NEB: variants seen among roughly 807,000 people sequenced by gnomAD.
NEB encodes nemaline myopathy type 2.
A neutral mutation model predicts 952.2 loss-of-function variants in NEB; 512 were observed. That is an observed-to-expected ratio of 0.54 (90% confidence interval 0.50 to 0.58). The LOEUF (loss-of-function observed/expected upper bound fraction) is 0.58, where lower values mean the gene tolerates loss of function less well. Ranked by LOEUF, NEB falls within the 20% of genes least tolerant of loss-of-function variation. The pLI is 0.00. For synonymous variants in NEB, 2,900 were observed against 3,149.8 expected (o/e 0.92, Z 2.66); for missense variants, 8,428 against 9,231.1 (o/e 0.91, Z 3.56).
chr2:151,724,911 A>C lies in NEB; in HGVS notation c.453T>G (p.Asp151Glu), dbSNP rs759482454. The change falls in exon 7 of 182, where the codon GAT becomes GAG. Residue 151 changes from aspartate (D) to glutamate (E), a missense_variant. By Grantham distance (45) the Asp-to-Glu change is conservative. Transcript: ENST00000397345. Reference sequence around the variant, plus strand: ...CATGTTCAATATCCTTTGCTTTTTCATCTACGTGACATATAGTCTTAGCAA... The same window carrying C: ...CATGTTCAATATCCTTTGCTTTTTCCTCTACGTGACATATAGTCTTAGCAA... ...GDVAKTICHV[D>E]EKAKDIEHAK... 6.2e-7 allele frequency: 1 copy of C among 1,613,720 alleles called. No homozygotes were observed. Among genetic ancestry groups the C allele is most frequent in the African/African-American group, 1.3e-5 (1 of 74,912 alleles).
chr2:151,732,596 G>A (rs1219164728), intron 3 of NEB, among the ~76,000 whole-genome samples: 1 of 152,168 alleles, frequency 6.6e-6, no homozygotes, highest in African/African-American at 2.4e-5. Context: ...GTATGTGTGT[G>A]TCTGTGCACA....
intron 48 of NEB, among the ~76,000 whole-genome samples, chr2:151,657,138 G>C (rs1433522532): frequency 2.0e-5 from 3 of 152,244 alleles, no homozygotes; most frequent in Admixed American, 6.5e-5. Flanking sequence ...CAAGTTGGGG[G>C]TAGAAGCTAG....
chr2:151,553,974 G>C lies in NEB; in HGVS notation c.19480C>G (p.Pro6494Ala). The C allele has an allele frequency of 6.2e-7, 1 of 1,613,862 alleles. No homozygotes were observed. Among genetic ancestry groups the C allele is most frequent in the South Asian group, 1.1e-5 (1 of 91,078 alleles). ...GCAGTAACCATCTCTACCATGTCGG[G>C]CACGATGTGGATTTTCATCTTGTTC... The part of the protein sequence containing the change: ...EKNKMKIHIV[P>A]DMVEMVTAKD... Residue 6494 changes from proline to alanine, a missense_variant, in exon 126 of 182, where the codon CCC becomes GCC. By Grantham distance (27) the Pro-to-Ala change is conservative. Around this residue, in one of 11 missense-constraint regions of NEB, gnomAD observed 3,374 missense variants for 3,651.5 expected, o/e 0.92. Transcript: ENST00000397345.
intron 124 of NEB, 106 bp from the exon 125 acceptor site, chr2:151,555,150 C>G: frequency 1.3e-6 from 1 of 753,230 alleles, no homozygotes; most frequent in East Asian, 2.6e-5. Flanking sequence ...TGAGATCCAC[C>G]CAGCGTTGGG....
In NEB at chr2:151,640,233, TA is replaced by T. The variant is rs925562283; in HGVS notation, c.8685+121del. 8 of 1,492,630 alleles carry T rather than the reference TA, an allele frequency of 5.4e-6. No individual in the cohort carries two copies. The African/African-American group carries it at 5.6e-5, about 10-fold the overall frequency. The allele number at this position is 1,492,630 out of a possible 1,614,324, so 92.5% of individuals were successfully genotyped here. ...GTTAAAGGATTAAAATTCCTGTCGATAAAGGCAATGCTATTTGCCTCCTCCA... is the reference window on the plus strand; with the variant it reads ...GTTAAAGGATTAAAATTCCTGTCGATAAGGCAATGCTATTTGCCTCCTCCA... On this transcript the variant is annotated intron_variant, in intron 61 of 181. Transcript: ENST00000397345.
chr2:151,672,768 T>C (rs1438503331), intron 36 of NEB, 88 bp from the exon 37 acceptor site: 4 of 1,242,012 alleles, frequency 3.2e-6, no homozygotes, highest in East Asian at 2.3e-5. Context: ...CACTCAGAGC[T>C]TTGTGACTTT....
chr2:151,531,311 T>TC (rs2090701956), intron 144 of NEB, among the ~76,000 whole-genome samples: 1 of 37,196 alleles, frequency 2.7e-5, no homozygotes, highest in South Asian at 6.4e-4. Context: ...TTTCTTTCTT[T>TC]TTTTTTTTTT....
At position 151,709,684 on chromosome 2, in the gene NEB, T is replaced by C; in HGVS notation, c.1007A>G (p.Asn336Ser). Residue 336 changes from asparagine (N) to serine (S), a missense_variant, in exon 12 of 182, where the codon AAT becomes AGT. Physicochemically the swap from Asn to Ser is conservative, Grantham distance 46. This residue lies in a region of NEB where 2,851 missense variants were observed against 2,791.5 expected (regional missense o/e 1.02). Coordinates refer to ENST00000397345, the MANE Select transcript of NEB (RefSeq NM_001164508.2). ...GCTAGCTGCCACACCAGCTTTTTTA[T>C]TCATTTTATACTCTGGTGTTTCGGT... ...MQTETPEYKMNKKAGVAASKV... is the reference protein window; with the variant it reads ...MQTETPEYKMSKKAGVAASKV... 6.2e-7 allele frequency: 1 copy of C among 1,602,242 alleles called. No homozygotes were observed. The highest frequency in any genetic ancestry group is 8.5e-7 in the Non-Finnish European group (1 of 1,173,502).
At position 151,723,442 on chromosome 2, in the gene NEB, G is replaced by A. The variant is rs766685464; in HGVS notation, c.657C>T (p.Tyr219=). The change falls in exon 9 of 182, where the codon TAC becomes TAT. Residue 219 remains tyrosine (Y), a synonymous_variant. Transcript: ENST00000397345. ...EDWEADKSLF[Y]PYNDSPELRR... is the part of the protein sequence containing the mutation. Reference sequence around the variant, plus strand: ...TCAGTTCCGGGCTATCATTATAGGGGTAAAACAAACTTTTGTCTGCTTCCC... The same window carrying A: ...TCAGTTCCGGGCTATCATTATAGGGATAAAACAAACTTTTGTCTGCTTCCC... 6.2e-7 allele frequency: 1 copy of A among 1,610,366 alleles called. No individual in the cohort carries two copies. The highest frequency in any genetic ancestry group is 8.5e-7 in the Non-Finnish European group (1 of 1,178,300).
At chr2:151,715,874 A>G (rs2099757490) in intron 10 of NEB, among the ~76,000 whole-genome samples, 1 of 152,212 alleles carries the variant, frequency 6.6e-6, no homozygotes, top group African/African-American at 2.4e-5. Context: ...GCAAGTCTAA[A>G]TTGGTGGAGA....
chr2:151,690,620 T>C, intron 24 of NEB, 107 bp downstream of exon 24: 1 of 820,270 alleles, frequency 1.2e-6, no homozygotes. Flanking sequence ...AAAATAATAA[T>C]ATTGGGATGG....
intron 172 of NEB, 88 bp from the exon 173 acceptor site, chr2:151,496,456 T>TAAG (rs2152941206): frequency 6.7e-7 from 1 of 1,486,276 alleles, no homozygotes; most frequent in African/African-American, 1.4e-5. Context: ...ACTTCCTTGT[T>TAAG]AAGAAAACAC....
rs1432111491 is a variant in NEB, at chr2:151,640,478, C to T, written c.8562G>A (p.Leu2854=). 8 of 1,613,760 alleles carry T rather than the reference C, an allele frequency of 5.0e-6. No homozygotes were observed. Among genetic ancestry groups the T allele is most frequent in the African/African-American group, 1.3e-5 (1 of 74,892 alleles). ...TGACTAAGGTCTGGCACTTCTTGGCCAGCACCACCCCCAGCATGTCCACTG... is the reference window on the plus strand; with the variant it reads ...TGACTAAGGTCTGGCACTTCTTGGCTAGCACCACCCCCAGCATGTCCACTG... ...SSPVDMLGVV[L]AKKCQTLVSD... Residue 2854 remains leucine, a synonymous_variant, in exon 61 of 182, where the codon CTG becomes CTA. Coordinates refer to ENST00000397345, the MANE Select transcript of NEB (RefSeq NM_001164508.2).
chr2:151,551,054 G>A (rs1577158519), intron 129 of NEB, among the ~76,000 whole-genome samples: 1 of 151,202 alleles, frequency 6.6e-6, no homozygotes, highest in Admixed American at 6.6e-5. Context: ...TGCAACCTCC[G>A]CCCCCTGGGT....
intron 70 of NEB, among the ~76,000 whole-genome samples, chr2:151,626,303 C>G (rs948152354): frequency 6.6e-6 from 1 of 151,822 alleles, no homozygotes; most frequent in African/African-American, 2.4e-5. Flanking sequence ...TTTGTAGAGA[C>G]AGGGTTTCAA....
intron 67 of NEB, among the ~76,000 whole-genome samples, chr2:151,630,001 A>G (rs1335718019): frequency 1.3e-5 from 2 of 151,846 alleles, no homozygotes; most frequent in African/African-American, 4.8e-5. Flanking sequence ...CCACTAAGTG[A>G]AAAAAAATGG....
chr2:151,617,471 A>G lies in NEB; in HGVS notation c.11077-3T>C. 1 of 1,316,110 alleles carries G rather than the reference A, an allele frequency of 7.6e-7. No homozygotes were observed. The highest frequency in any genetic ancestry group is 1.7e-5 in the South Asian group (1 of 58,598). The allele number at this position is 1,316,110 out of a possible 1,614,324, so 81.5% of individuals were successfully genotyped here. A position where few individuals can be genotyped will look rare whatever the true frequency, so the allele number is the denominator to read the frequency against. ...TCCCAGGCTTCAGTATATAAGCGCT[A>G]CAAAAAAAAAAAAAAAAGAGAGAGA... On this transcript the variant is annotated splice_polypyrimidine_tract_variant and splice_region_variant and intron_variant, in intron 74 of 181. Coordinates refer to ENST00000397345, the MANE Select transcript of NEB (RefSeq NM_001164508.2).
rs1266356538 is a variant in NEB, at chr2:151,729,653, A to G, written c.40T>C (p.Tyr14His). ...TCTTCGTAAACCACTTCTTCTGTGT[A>G]GTACTGTAAATAGAGCACAAAGGCA... is the stretch of plus-strand genomic sequence containing the variant. Reference protein sequence around the residue: ...DEDYEEVVEYYTEEVVYEEVP... With the variant: ...DEDYEEVVEYHTEEVVYEEVP... Residue 14 changes from tyrosine to histidine, a missense_variant, in exon 4 of 182, where the codon TAC becomes CAC. Transcript: ENST00000397345. 2.5e-6 allele frequency: 4 copies of G among 1,613,196 alleles called. No homozygotes were observed. The highest frequency in any genetic ancestry group is 3.4e-6 in the Non-Finnish European group (4 of 1,179,454).
chr2:151,601,134 G>T, intron 88 of NEB, among the ~76,000 whole-genome samples: 1 of 120,868 alleles, frequency 8.3e-6, no homozygotes, highest in South Asian at 3.0e-4. Flanking sequence ...TTGAGACAGA[G>T]TCTCGCTCTG....
Sources: gnomAD v4.1 joint callset for allele counts (sites outside exome capture counted in the v4.1 genomes callset) on GRCh38, gnomAD v4.1.1 for gene constraint, gnomAD v4.1.1 regional missense constraint, MANE v1.5 for transcripts, NCBI Gene and HGNC (gene_info 2026-07-23, HGNC 2026-07-21) for gene names.